ZNF292: variants seen among roughly 807,000 people sequenced by gnomAD.
ZNF292 encodes 16 zinc-finger domain protein.
ZNF292 carries 26 observed loss-of-function variants against 217.9 expected under a neutral mutation model. The ratio of observed to expected loss-of-function variants is 0.12; its 90% CI spans 0.09 to 0.17. ZNF292 has a LOEUF of 0.17. Among genes scored for constraint, ZNF292 ranks in the 10% least tolerant of loss-of-function variants. ZNF292 has a pLI of 1.00. For synonymous variants in ZNF292, 1,257 were observed against 1,124.1 expected (o/e 1.12, Z -2.37); for missense variants, 2,904 against 3,175.2 (o/e 0.91, Z 2.05).
chr6:87,220,302 C>G (rs192697399), intron 4 of ZNF292, among the ~76,000 whole-genome samples: 9 of 152,250 alleles, frequency 5.9e-5, no homozygotes, highest in African/African-American at 1.9e-4. Flanking sequence ...TATCAAATTA[C>G]AAGTTCCTCA....
chr6:87,163,872 G>C (rs1770830259), intron 1 of ZNF292, among the ~76,000 whole-genome samples: 1 of 152,180 alleles, frequency 6.6e-6, no homozygotes, highest in Non-Finnish European at 1.5e-5. Flanking sequence ...GGATTGAAAG[G>C]ATAGATTAAA....
In ZNF292 at chr6:87,245,499, T is replaced by A. The variant is rs575574736; in HGVS notation, c.879-4T>A. 10 of 1,496,232 alleles carry A rather than the reference T, an allele frequency of 6.7e-6. No homozygotes were observed. In the African/African-American group the frequency reaches 1.1e-4, roughly 17 times the overall value. The allele number at this position is 1,496,232 out of a possible 1,614,324, so 92.7% of individuals were successfully genotyped here. Reference sequence around the variant, plus strand: ...TTTTCTTATTATAACTTTTTTTTTTTAAGGGAACTTACTCTCTTTTGGAGT... The same window carrying A: ...TTTTCTTATTATAACTTTTTTTTTTAAAGGGAACTTACTCTCTTTTGGAGT... On this transcript the variant is annotated splice_region_variant and splice_polypyrimidine_tract_variant and intron_variant, in intron 6 of 7. Coordinates refer to ENST00000369577, the MANE Select transcript of ZNF292 (RefSeq NM_015021.3).
At chr6:87,173,244 T>A (rs769638345) in intron 1 of ZNF292, 1 of 152,206 alleles carries the variant, frequency 6.6e-6, no homozygotes, top group Non-Finnish European at 1.5e-5. Flanking sequence ...GTGTTCCCTG[T>A]TTTGTAAACT....
At chr6:87,200,982 G>T (rs1358564114) in intron 1 of ZNF292, among the ~76,000 whole-genome samples, 1 of 152,134 alleles carries the variant, frequency 6.6e-6, no homozygotes, top group Non-Finnish European at 1.5e-5. Context: ...GGAAACAAGT[G>T]TCTCAACCAG....
intron 1 of ZNF292, among the ~76,000 whole-genome samples, chr6:87,167,110 A>C (rs965138219): frequency 6.6e-6 from 1 of 152,220 alleles, no homozygotes; most frequent in Non-Finnish European, 1.5e-5. Flanking sequence ...TTTAATAGTA[A>C]AAATACTACC....
chr6:87,256,375 C>A lies in ZNF292; in HGVS notation c.2746C>A (p.Pro916Thr). ...CTCTGAGCTCAGGCAAGCTAATGGA[C>A]CATTGTCAAATGGTTTGGAAAACCC... is the stretch of plus-strand genomic sequence containing the variant. Reference protein sequence around the residue: ...SASELRQANGPLSNGLENPAT... With the variant: ...SASELRQANGTLSNGLENPAT... Residue 916 changes from proline (P) to threonine (T), a missense_variant, in exon 8 of 8, where the codon CCA (proline) becomes ACA (threonine). By Grantham distance (38) the Pro-to-Thr change is conservative (BLOSUM62 -1). Coordinates refer to ENST00000369577, the MANE Select transcript of ZNF292 (RefSeq NM_015021.3). 1 of 1,609,888 alleles carries A rather than the reference C, an allele frequency of 6.2e-7. No individual in the cohort carries two copies. The highest frequency in any genetic ancestry group is 1.1e-5 in the South Asian group (1 of 91,080).
intron 4 of ZNF292, among the ~76,000 whole-genome samples, chr6:87,222,276 A>G (rs560116872): frequency 1.6e-4 from 25 of 152,112 alleles, no homozygotes; most frequent in Non-Finnish European, 3.4e-4. Context: ...AGCTTCTGGG[A>G]TACTTAAAAA....
At chr6:87,164,571 A>G (rs1582367679) in intron 1 of ZNF292, among the ~76,000 whole-genome samples, 2 of 152,138 alleles carry the variant, frequency 1.3e-5, no homozygotes, top group East Asian at 3.9e-4. Context: ...TATGGGACAC[A>G]TTTAATTTTT....
At chr6:87,251,574 A>G (rs574886526) in intron 7 of ZNF292, among the ~76,000 whole-genome samples, 9 of 152,234 alleles carry the variant, frequency 5.9e-5, no homozygotes, top group South Asian at 2.1e-4. Context: ...TGACTCATCA[A>G]TTTAAGCTTG....
At chr6:87,240,496 C>T (rs778036415) in intron 5 of ZNF292, among the ~76,000 whole-genome samples, 26 of 152,180 alleles carry the variant, frequency 1.7e-4, no homozygotes, top group Non-Finnish European at 3.5e-4. Context: ...CATCTCAGCT[C>T]GCTGCAACCT....
chr6:87,170,949 A>G (rs1771076455), intron 1 of ZNF292, among the ~76,000 whole-genome samples: 1 of 152,166 alleles, frequency 6.6e-6, no homozygotes, highest in Non-Finnish European at 1.5e-5. Context: ...TAACATTTTC[A>G]TTTACACTTA....
At chr6:87,244,734 A>G (rs897832178) in intron 6 of ZNF292, among the ~76,000 whole-genome samples, 2 of 152,184 alleles carry the variant, frequency 1.3e-5, no homozygotes, top group African/African-American at 2.4e-5. Context: ...TGGTTCTTAT[A>G]TTCATCTAAT....
chr6:87,245,705 A>C, intron 7 of ZNF292, 61 bp downstream of exon 7: 1 of 1,087,088 alleles, frequency 9.2e-7, no homozygotes, highest in Non-Finnish European at 1.2e-6. Context: ...ATAAAAGACT[A>C]TAACTTTTAT....
intron 5 of ZNF292, among the ~76,000 whole-genome samples, chr6:87,236,405 T>TTTA (rs199969506): frequency 1.4e-5 from 2 of 143,846 alleles, no homozygotes; most frequent in Non-Finnish European, 3.0e-5. Context: ...TTTTTTTTTT[T>TTTA]AAAAAAGAAA....
intron 7 of ZNF292, chr6:87,249,431 G>A (rs77254115): frequency 2.8e-5 from 8 of 284,322 alleles, no homozygotes; most frequent in East Asian, 1.2e-4. Flanking sequence ...CATGACCTTC[G>A]CAGCAGCCTT....
At chr6:87,196,999 A>T (rs1204524761) in intron 1 of ZNF292, among the ~76,000 whole-genome samples, 1 of 152,248 alleles carries the variant, frequency 6.6e-6, no homozygotes, top group East Asian at 1.9e-4. Flanking sequence ...TTGCAGTGTG[A>T]CAAGAAAAGA....
intron 7 of ZNF292, among the ~76,000 whole-genome samples, chr6:87,250,283 T>A (rs1338534870): frequency 5.5e-5 from 5 of 91,262 alleles, no homozygotes; most frequent in African/African-American, 6.8e-5. Flanking sequence ...AAAAAAAAAA[T>A]AAGCCAAACA....
rs1415273235 is a variant in ZNF292, at chr6:87,215,022, G to A, written c.169-881G>A. 2.0e-5 allele frequency: 3 copies of A among 151,206 alleles called. No individual in the cohort carries two copies. The Admixed American group carries it at 2.0e-4, about 10-fold the overall frequency. The allele number at this position is 151,206 out of a possible 1,614,324, so 9.4% of individuals were successfully genotyped here. A position where few individuals can be genotyped will look rare whatever the true frequency, so the allele number is the denominator to read the frequency against. ...GGAAAAGAAACCTGAATTTCCATAT[G>A]TTTGATTAAATGAGTCTTAAACCCT... On this transcript the variant is annotated intron_variant, in intron 1 of 7. Transcript: ENST00000369577.
Position 87,259,398 on chromosome 6 carries a change from T to TG in ZNF292, c.5771dup (p.Lys1925Ter). ...CAAAGGATGCACTATTTAAGCACTATGGTAAAATTCATCAATACACTCCAG... is the reference window on the plus strand; with the variant it reads ...CAAAGGATGCACTATTTAAGCACTATGGGTAAAATTCATCAATACACTCCAG... On this transcript the variant is annotated frameshift_variant, in exon 8 of 8. Coordinates refer to ENST00000369577, the MANE Select transcript of ZNF292 (RefSeq NM_015021.3). LOFTEE classifies it high-confidence loss of function. 6.2e-7 allele frequency: 1 copy of TG among 1,608,786 alleles called. No individual in the cohort carries two copies.
Sources: gnomAD v4.1 joint callset for allele counts (sites outside exome capture counted in the v4.1 genomes callset) on GRCh38, gnomAD v4.1.1 for gene constraint, MANE v1.5 for transcripts, NCBI Gene and HGNC (gene_info 2026-07-23, HGNC 2026-07-21) for gene names.